PDS5A: variants seen among roughly 807,000 people sequenced by gnomAD.
The protein encoded by PDS5A is PDS5 cohesin associated factor A.
In PDS5A, 42 loss-of-function variants were observed where a neutral mutation model predicts 167.1. The ratio of observed to expected loss-of-function variants is 0.25; its 90% CI spans 0.20 to 0.33. The LOEUF (loss-of-function observed/expected upper bound fraction) is 0.33, where lower values mean the gene tolerates loss of function less well. PDS5A is among the 10% of genes least tolerant of loss of function. PDS5A has a pLI of 1.00. For synonymous variants in PDS5A, 553 were observed against 554.6 expected (o/e 1.00, Z 0.04); for missense variants, 1,033 against 1,605.9 (o/e 0.64, Z 6.10).
Position 39,900,450 on chromosome 4 carries a change from T to A in PDS5A, c.1557A>T (p.Leu519=). Residue 519 remains leucine (L), a synonymous_variant, in exon 14 of 33, where the codon CTA becomes CTT. Coordinates refer to ENST00000303538, the MANE Select transcript of PDS5A (RefSeq NM_001100399.2). ...CTGTAGGCTGCTTGTGCAAATCCAA[T>A]AGTTCGCGTACATGGCTCCGAAGCA... is the stretch of plus-strand genomic sequence containing the variant. The part of the protein sequence containing the change: ...QNMLRSHVRE[L]LDLHKQPTSE... 1 of 1,582,380 alleles carries A rather than the reference T, an allele frequency of 6.3e-7. No homozygotes were observed. Among genetic ancestry groups the A allele is most frequent in the African/African-American group, 1.3e-5 (1 of 74,736 alleles).
At chr4:39,957,639 A>G (rs1481915246) in intron 2 of PDS5A, among the ~76,000 whole-genome samples, 1 of 152,024 alleles carries the variant, frequency 6.6e-6, no homozygotes, top group East Asian at 1.9e-4. Flanking sequence ...CAAAAAAATT[A>G]GCCGGGCGTG....
At chr4:39,844,365 C>G (rs1717374206) in intron 30 of PDS5A, among the ~76,000 whole-genome samples, 3 of 151,438 alleles carry the variant, frequency 2.0e-5, no homozygotes, top group Non-Finnish European at 2.9e-5. Context: ...ATTCCAGCTA[C>G]TCGGGAGGCT....
At chr4:39,920,215 T>C in intron 7 of PDS5A, 104 bp downstream of exon 7, 2 of 501,418 alleles carry the variant, frequency 4.0e-6, no homozygotes, top group East Asian at 3.6e-5. Flanking sequence ...TAAGTTATTT[T>C]ATATTTATAA....
chr4:39,855,058 A>G (rs1027803091), intron 26 of PDS5A, among the ~76,000 whole-genome samples: 2 of 152,228 alleles, frequency 1.3e-5, no homozygotes. Flanking sequence ...GCAGAGTAAG[A>G]AATTTCAGAT....
chr4:39,901,252 TTTTTC>T (rs1004016048), intron 13 of PDS5A, among the ~76,000 whole-genome samples: 4 of 149,730 alleles, frequency 2.7e-5, no homozygotes, highest in African/African-American at 9.8e-5. Flanking sequence ...TGACAGTCTT[TTTTTC>T]TTTTCTTTCT....
chr4:39,908,833 C>CTTA (rs1310968639), intron 10 of PDS5A: 2 of 272,352 alleles, frequency 7.3e-6, no homozygotes, highest in Non-Finnish European at 1.4e-5. Context: ...TTCATACCAG[C>CTTA]TTAGGCAACA....
At chr4:39,911,565 G>T (rs1363911611) in intron 9 of PDS5A, among the ~76,000 whole-genome samples, 1 of 152,090 alleles carries the variant, frequency 6.6e-6, no homozygotes, top group Non-Finnish European at 1.5e-5. Flanking sequence ...GGGCGCGGTG[G>T]CTCACACCTG....
rs1427925376 is a variant in PDS5A at position 39,892,428 on chromosome 4, C to G, written c.1771-2064G>C. 3.9e-5 allele frequency among the ~76,000 whole-genome samples: 6 copies of G among 152,334 alleles called. No homozygotes were observed. In the East Asian group the frequency reaches 5.8e-4, roughly 15 times the overall value. On this transcript the variant is annotated intron_variant, in intron 16 of 32. Coordinates refer to ENST00000303538, the MANE Select transcript of PDS5A (RefSeq NM_001100399.2). Reference sequence around the variant, plus strand: ...CTCCTCTGATATCCAGTCAGCCAAACTGAAAATATAGCAGTCATTCTTCAC... The same window carrying G: ...CTCCTCTGATATCCAGTCAGCCAAAGTGAAAATATAGCAGTCATTCTTCAC...
rs567602696 is a variant in PDS5A at position 39,902,740 on chromosome 4, C to A, written c.1386-280G>T. Among the ~76,000 whole-genome samples, 13 of 152,214 alleles carry A rather than the reference C, an allele frequency of 8.5e-5. No individual in the cohort carries two copies. The South Asian group carries it at 2.3e-3, about 27-fold the overall frequency. On this transcript the variant is annotated intron_variant, in intron 12 of 32. Coordinates refer to ENST00000303538, the MANE Select transcript of PDS5A (RefSeq NM_001100399.2). ...GTGTCCCTATGTTGCCAAGGCTGAT[C>A]TGGAACTCCTGAGCTCAGGCAATCC...
At chr4:39,848,730 T>A (rs1248367854) in intron 28 of PDS5A, 121 bp downstream of exon 28, 13 of 848,972 alleles carry the variant, frequency 1.5e-5, no homozygotes, top group Non-Finnish European at 1.3e-5. Context: ...CACTCTTTGA[T>A]AAACCCAGAT....
At chr4:39,902,535 T>C (rs1722969239) in intron 12 of PDS5A, 75 bp from the exon 13 acceptor site, 1 of 743,080 alleles carries the variant, frequency 1.3e-6, no homozygotes, top group South Asian at 1.9e-5. Context: ...TTTTTTTTTT[T>C]TTTTGGAGAC....
chr4:39,974,881 C>T (rs1450320267), intron 2 of PDS5A, among the ~76,000 whole-genome samples: 1 of 152,116 alleles, frequency 6.6e-6, no homozygotes, highest in Non-Finnish European at 1.5e-5. Flanking sequence ...GAGGCCGATG[C>T]AGGCAGATCA....
At chr4:39,838,260 A>T in intron 31 of PDS5A, 52 bp from the exon 32 acceptor site, 1 of 1,230,624 alleles carries the variant, frequency 8.1e-7, no homozygotes, top group African/African-American at 1.5e-5. Flanking sequence ...AATATTAATG[A>T]TCTCTATTAG....
At chr4:39,825,670 C>T (rs774956441) in intron 32 of PDS5A, among the ~76,000 whole-genome samples, 182 bp from the exon 33 acceptor site, 1 of 151,886 alleles carries the variant, frequency 6.6e-6, no homozygotes, top group Non-Finnish European at 1.5e-5. Flanking sequence ...GCTCACTCAG[C>T]CCCAACTCCT....
Position 39,874,286 on chromosome 4 carries a change from T to C in PDS5A, c.2277+3A>G. ...ATAAACACAACCTATATATTAGATA[T>C]ACCTCAAAAATCTGTGCAAGCTGGA... On this transcript the variant is annotated splice_donor_region_variant and intron_variant, in intron 20 of 32. Coordinates refer to ENST00000303538, the MANE Select transcript of PDS5A (RefSeq NM_001100399.2). 1 of 1,609,896 alleles carries C rather than the reference T, an allele frequency of 6.2e-7. No homozygotes were observed. The highest frequency in any genetic ancestry group is 8.5e-7 in the Non-Finnish European group (1 of 1,177,010).
intron 2 of PDS5A, among the ~76,000 whole-genome samples, chr4:39,948,953 G>A (rs754267175): frequency 1.4e-4 from 21 of 151,958 alleles, no homozygotes; most frequent in East Asian, 3.9e-4. Flanking sequence ...ACTAACAAAC[G>A]GATAAACAAA....
intron 7 of PDS5A, 52 bp from the exon 8 acceptor site, chr4:39,917,240 T>C: frequency 2.5e-6 from 3 of 1,194,838 alleles, no homozygotes; most frequent in Non-Finnish European, 3.5e-6. Context: ...TTTAAAAACA[T>C]GGATACATTT....
intron 23 of PDS5A, among the ~76,000 whole-genome samples, chr4:39,866,471 C>T (rs533892377): frequency 9.2e-5 from 14 of 152,254 alleles, no homozygotes; most frequent in African/African-American, 2.4e-4. Flanking sequence ...CTTATTTAAT[C>T]GCTTTAATAC....
chr4:39,892,894 C>G (rs564060172), intron 16 of PDS5A, among the ~76,000 whole-genome samples: 2 of 152,254 alleles, frequency 1.3e-5, no homozygotes, highest in Admixed American at 6.5e-5. Flanking sequence ...TAAAAATGAC[C>G]ATTTATTGAA....
Sources: allele counts gnomAD v4.1 joint callset (sites outside exome capture counted in the v4.1 genomes callset), GRCh38; gene constraint gnomAD v4.1.1; transcripts MANE v1.5; gene names NCBI Gene and HGNC (gene_info 2026-07-23, HGNC 2026-07-21).